SLC52A3: variants seen among roughly 807,000 people sequenced by gnomAD.
SLC52A3 encodes the protein solute carrier family 52, riboflavin transporter, member 3.
SLC52A3 carries 20 observed loss-of-function variants against 29.5 expected under a neutral mutation model. The observed-to-expected ratio is 0.68, with a 90% CI of 0.48 to 0.99. SLC52A3 has a LOEUF of 0.99. Among genes scored for constraint, SLC52A3 ranks in the 50% least tolerant of loss-of-function variants. SLC52A3 has a pLI of 0.00. For missense variants in SLC52A3, 548 were observed against 612.9 expected (o/e 0.89, Z 1.12); for synonymous variants, 301 against 271.0 (o/e 1.11, Z -1.09).
At chr20:768,937 C>A (rs751134188), upstream of SLC52A3, among the ~76,000 whole-genome samples, 8 of 152,218 alleles carry the variant, frequency 5.3e-5, no homozygotes. Context: ...TACAAGACTC[C>A]GTCCTCCAGG....
intron 4 of SLC52A3, 82 bp downstream of exon 4, chr20:761,619 A>G (rs770389727): frequency 8.2e-6 from 13 of 1,586,032 alleles, no homozygotes; most frequent in Non-Finnish European, 1.0e-5. Context: ...CTCGCTGGAA[A>G]GGGCCGCGCC....
At chr20:771,040 C>G (rs1427069692), upstream of SLC52A3, among the ~76,000 whole-genome samples, 1 of 152,204 alleles carries the variant, frequency 6.6e-6, no homozygotes, top group Non-Finnish European at 1.5e-5. Context: ...CTGTGTTGAA[C>G]TGTTTTGTTT....
upstream of SLC52A3, among the ~76,000 whole-genome samples, chr20:772,599 T>TTTG (rs1555784625): frequency 1.3e-5 from 2 of 150,736 alleles, no homozygotes; most frequent in Admixed American, 6.6e-5. Flanking sequence ...TTTTTTTTTT[T>TTTG]TTGTTGTTGT....
chr20:769,547 A>G (rs1986785930), upstream of SLC52A3, among the ~76,000 whole-genome samples: 1 of 152,192 alleles, frequency 6.6e-6, no homozygotes. Context: ...TGAGGGCTCA[A>G]TGAACCATCA....
At chr20:764,329 G>A (rs1339506386) in intron 2 of SLC52A3, among the ~76,000 whole-genome samples, 1 of 152,172 alleles carries the variant, frequency 6.6e-6, no homozygotes, top group African/African-American at 2.4e-5. Flanking sequence ...GACTCCACCT[G>A]GTGCTTTCTG....
upstream of SLC52A3, among the ~76,000 whole-genome samples, chr20:779,640 G>A (rs988043379): frequency 5.3e-5 from 8 of 152,086 alleles, no homozygotes; most frequent in Non-Finnish European, 8.8e-5. Context: ...AAACAAGAGC[G>A]ACTAGGCCTC....
Position 761,705 on chromosome 20 carries a change from A to C in SLC52A3, c.1193T>G (p.Leu398Arg). Reference sequence around the variant, plus strand: ...CCCCACCGGCCGGATACTCACAATGAGGACTTCCCCACCCCAGTGGCCCTG... The same window carrying C: ...CCCCACCGGCCGGATACTCACAATGCGGACTTCCCCACCCCAGTGGCCCTG... ...LLQGHWGGEV[L>R]IVASWVLFSG... Residue 398 changes from leucine to arginine, a missense_variant, in exon 4 of 5, where the codon CTC becomes CGC. Transcript: ENST00000645534. The C allele has an allele frequency of 6.2e-7, 1 of 1,613,840 alleles. No homozygotes were observed. The highest frequency in any genetic ancestry group is 2.2e-5 in the East Asian group (1 of 44,872).
intron 1 of SLC52A3, among the ~76,000 whole-genome samples, chr20:767,367 T>A (rs554704289): frequency 5.9e-5 from 9 of 151,892 alleles, no homozygotes; most frequent in African/African-American, 2.2e-4. Context: ...ATCTTTTTTT[T>A]TTTTCTTGTG....
rs762557791 is a variant in SLC52A3 at position 760,997 on chromosome 20, G to A, written c.*29C>T. ...CTCTCTGGACCCCAGTTCCGTCCGT[G>A]AGCGATGGGGGCGGGGTCGGCGGCC... On this transcript the variant is annotated 3_prime_UTR_variant, in exon 5 of 5. Transcript: ENST00000645534. This position sits in a 1 kb window ranked among gnomAD's most constrained non-coding sequence, Gnocchi z 4.9. The A allele has an allele frequency of 5.1e-6, 8 of 1,575,722 alleles. No homozygotes were observed. In the South Asian group the frequency reaches 7.0e-5, roughly 14 times the overall value.
At position 765,785 on chromosome 20, in the gene SLC52A3, GCCCT is replaced by G. The variant is rs756076551; in HGVS notation, c.-15_-12del. 101 of 879,426 alleles carry G rather than the reference GCCCT, an allele frequency of 1.1e-4. No homozygotes were observed. Among genetic ancestry groups the G allele is most frequent in the Non-Finnish European group, 1.5e-4 (93 of 619,430 alleles). 54.5% of individuals were successfully genotyped at this position (879,426 alleles called of 1,614,324 possible). A position where few individuals can be genotyped will look rare whatever the true frequency, so the allele number is the denominator to read the frequency against. ...CATCAGGAAGGCCATGGCGGTATCT[GCCCT>G]GGGCCAGAGGCTTTCTCAGATCAGC... On this transcript the variant is annotated 5_prime_UTR_variant, in exon 2 of 5. Coordinates refer to ENST00000645534, the MANE Select transcript of SLC52A3 (RefSeq NM_033409.4). This position sits in a 1 kb window ranked among gnomAD's most constrained non-coding sequence, Gnocchi z 6.6.
rs750768165 is a variant in SLC52A3, at chr20:763,719, G to A, written c.852C>T (p.Gly284=). 1.2e-6 allele frequency: 2 copies of A among 1,614,122 alleles called. No homozygotes were observed. Among genetic ancestry groups the A allele is most frequent in the South Asian group, 2.2e-5 (2 of 91,082 alleles). The part of the protein sequence containing the change: ...GPAGTVDSSQ[G]QGYLEEKAAP... ...CTGCTTTCTCCTCTAGATACCCCTG[G>A]CCCTGGCTGCTGTCCACCGTGCCTG... The change falls in exon 3 of 5, where the codon GGC becomes GGT. Residue 284 remains glycine, a synonymous_variant. Coordinates refer to ENST00000645534, the MANE Select transcript of SLC52A3 (RefSeq NM_033409.4).
intron 4 of SLC52A3, 100 bp from the exon 5 acceptor site, chr20:761,338 T>C: frequency 3.9e-6 from 5 of 1,293,710 alleles, no homozygotes; most frequent in Non-Finnish European, 5.2e-6. Context: ...CACGGAATAC[T>C]CTCTAGGTGC....
chr20:761,596 C>T, intron 4 of SLC52A3, 105 bp downstream of exon 4: 1 of 1,542,624 alleles, frequency 6.5e-7, no homozygotes, highest in Non-Finnish European at 8.8e-7. Flanking sequence ...CCGGGAGGGT[C>T]CCACAGACCC....
At chr20:767,166 T>C (rs183367904) in intron 1 of SLC52A3, among the ~76,000 whole-genome samples, 2 of 152,236 alleles carry the variant, frequency 1.3e-5, no homozygotes, top group South Asian at 2.1e-4. Context: ...TGGTGACTGA[T>C]AAGGAAAGGT....
upstream of SLC52A3, among the ~76,000 whole-genome samples, chr20:768,846 G>C (rs989667046): frequency 6.6e-6 from 1 of 152,198 alleles, no homozygotes; most frequent in Admixed American, 6.5e-5. Flanking sequence ...GAAGCTCCCA[G>C]ACAGCAGTGG....
chr20:766,456 G>C (rs181744612), intron 1 of SLC52A3: 1 of 152,624 alleles, frequency 6.6e-6, no homozygotes, highest in Admixed American at 6.5e-5. Context: ...AAGCCTGCGC[G>C]TGTACATCCA....
upstream of SLC52A3, chr20:776,051 G>T (rs1290565355): frequency 6.6e-6 from 1 of 152,424 alleles, no homozygotes; most frequent in Non-Finnish European, 1.5e-5. Flanking sequence ...GGAAAGGCAG[G>T]CGGAGGGTGG....
intron 1 of SLC52A3, among the ~76,000 whole-genome samples, chr20:774,752 G>C (rs906642064): frequency 2.6e-5 from 4 of 152,210 alleles, no homozygotes; most frequent in African/African-American, 9.6e-5. Context: ...GGACCTCAGA[G>C]TTCCCCTGAA....
upstream of SLC52A3, among the ~76,000 whole-genome samples, chr20:770,094 A>T (rs6117544): frequency 1.3e-5 from 2 of 151,546 alleles, no homozygotes; most frequent in Admixed American, 6.6e-5. The surrounding 1 kb of genome is among the most constrained non-coding windows in gnomAD (Gnocchi z 4.5). Flanking sequence ...CGTTGCCAGC[A>T]CTCATTTAAT....
Sources: gnomAD v4.1 joint callset for allele counts (sites outside exome capture counted in the v4.1 genomes callset) on GRCh38, gnomAD v4.1.1 for gene constraint, Gnocchi (gnomAD v3.1) non-coding constraint, MANE v1.5 for transcripts, NCBI Gene and HGNC (gene_info 2026-07-23, HGNC 2026-07-21) for gene names.